Variants in SHANK2 observed in about 807,000 individuals in gnomAD.
SHANK2 encodes the protein SH3 and multiple ankyrin repeat domains protein 2.
A neutral mutation model predicts 133.7 loss-of-function variants in SHANK2; 43 were observed. The observed-to-expected ratio is 0.32, with a 90% CI of 0.25 to 0.41. SHANK2 has a LOEUF of 0.41. SHANK2 is among the 10% of genes least tolerant of loss of function. SHANK2 has a pLI of 1.00. For missense variants in SHANK2, 1,994 were observed against 2,235.8 expected (o/e 0.89, Z 2.18); for synonymous variants, 1,017 against 952.8 (o/e 1.07, Z -1.24).
At position 71,147,430 on chromosome 11, in the gene SHANK2, G is replaced by A. The variant is rs759517910; in HGVS notation, c.-12-92C>T. Reference sequence around the variant, plus strand: ...GGTGGACACTGGCGCTGGAACACACGTGGGCTCGGTTTCACAGTCTGTGTT... The same window carrying A: ...GGTGGACACTGGCGCTGGAACACACATGGGCTCGGTTTCACAGTCTGTGTT... On this transcript the variant is annotated intron_variant, in intron 2 of 25. Transcript: ENST00000601538. 6.2e-4 allele frequency: 629 copies of A among 1,015,458 alleles called. 2 individuals carry two copies. Among genetic ancestry groups the A allele is most frequent in the Non-Finnish European group, 7.8e-4 (576 of 737,772 alleles). The allele number at this position is 1,015,458 out of a possible 1,614,324, so 62.9% of individuals were successfully genotyped here.
intron 2 of SHANK2, among the ~76,000 whole-genome samples, chr11:71,168,787 GGAGAGA>G (rs1953245288): frequency 6.9e-6 from 1 of 145,798 alleles, no homozygotes; most frequent in South Asian, 2.3e-4. Flanking sequence ...GGGAGACCGT[GGAGAGA>G]GGGAGAGGGA....
intron 14 of SHANK2, among the ~76,000 whole-genome samples, chr11:70,733,848 G>A (rs1427075083): frequency 6.6e-6 from 1 of 152,200 alleles, no homozygotes; most frequent in Non-Finnish European, 1.5e-5. Context: ...CACAGGGAAC[G>A]GTGAGGACAG....
intron 9 of SHANK2, among the ~76,000 whole-genome samples, chr11:71,057,991 G>A (rs1468194883): frequency 7.1e-6 from 1 of 140,502 alleles, no homozygotes; most frequent in Non-Finnish European, 1.5e-5. Context: ...ACAGCTCACA[G>A]CAGCCTCGAC....
chr11:70,697,942 G>T (rs1555022656), intron 15 of SHANK2: 4 of 152,404 alleles, frequency 2.6e-5, no homozygotes, highest in African/African-American at 9.7e-5. Context: ...CATCCAGGAA[G>T]AACCCTCTAT....
chr11:70,580,481 C>T (rs1285602178), intron 17 of SHANK2, among the ~76,000 whole-genome samples: 5 of 152,224 alleles, frequency 3.3e-5, no homozygotes, highest in Non-Finnish European at 7.3e-5. Flanking sequence ...CGCCAATGAG[C>T]GGCGTGGGCC....
chr11:71,066,540 A>G (rs987599888), intron 9 of SHANK2, among the ~76,000 whole-genome samples: 13 of 152,256 alleles, frequency 8.5e-5, no homozygotes, highest in South Asian at 6.2e-4. Flanking sequence ...ACAGGCACAG[A>G]CAACGTTGCA....
chr11:71,246,311 C>T (rs541849523), intron 1 of SHANK2, among the ~76,000 whole-genome samples: 3 of 152,084 alleles, frequency 2.0e-5, no homozygotes, highest in East Asian at 1.9e-4. Flanking sequence ...CCACCCCCAC[C>T]GAGGACTCTA....
In SHANK2 at chr11:70,951,563, G is replaced by A. The variant is rs11600272; in HGVS notation, c.1108-54996C>T. Among the ~76,000 whole-genome samples the A allele has an allele frequency of 1.4e-3, 200 of 142,720 alleles. 1 individual carries two copies. Among genetic ancestry groups the A allele is most frequent in the African/African-American group, 4.8e-3 (182 of 37,654 alleles). The allele number at this position is 142,720 out of a possible 152,430, so 93.6% of individuals were successfully genotyped here. A position where few individuals can be genotyped will look rare whatever the true frequency, so the allele number is the denominator to read the frequency against. ...TTTCCCCTGGCTGCTGCGTGGTGAC[G>A]TCATAAATTCATTTCCTCTGGCTGC... On this transcript the variant is annotated intron_variant, in intron 10 of 25. Coordinates refer to ENST00000601538, the MANE Select transcript of SHANK2 (RefSeq NM_012309.5).
At chr11:70,557,887 G>A (rs888846001) in intron 17 of SHANK2, among the ~76,000 whole-genome samples, 5 of 152,220 alleles carry the variant, frequency 3.3e-5, no homozygotes, top group East Asian at 3.8e-4. Context: ...GCTCCCAGGC[G>A]TGCCGAGCCG....
chr11:71,158,153 A>G (rs1459796843), intron 2 of SHANK2, among the ~76,000 whole-genome samples: 2 of 152,226 alleles, frequency 1.3e-5, no homozygotes, highest in South Asian at 4.1e-4. Flanking sequence ...TTTATGGACT[A>G]AAAGCAGGGA....
intron 2 of SHANK2, among the ~76,000 whole-genome samples, chr11:71,167,170 A>T (rs1252155431): frequency 6.6e-6 from 1 of 152,266 alleles, no homozygotes; most frequent in East Asian, 1.9e-4. Flanking sequence ...CAAAATGAAA[A>T]GTCTCCCACG....
intron 17 of SHANK2, among the ~76,000 whole-genome samples, chr11:70,510,045 T>C (rs531532742): frequency 6.6e-6 from 1 of 152,194 alleles, no homozygotes; most frequent in African/African-American, 2.4e-5. Flanking sequence ...CAATTACATA[T>C]ATTGTACCAG....
intron 14 of SHANK2, among the ~76,000 whole-genome samples, chr11:70,699,777 G>A (rs1265975054): frequency 2.0e-5 from 3 of 152,218 alleles, no homozygotes; most frequent in African/African-American, 7.2e-5. Flanking sequence ...CCCTTTTCCA[G>A]CAGTGTGGTG....
rs1590902515 is a variant in SHANK2 at position 71,092,502 on chromosome 11, G to A, written c.832C>T (p.Pro278Ser). ...TGCAGGAGAAGCTCGCAGCAGTAGG[G>A]ATCACCTCCGACGATGGCTGTGTGA... ...LYHTAIVGGD[P>S]YCCELLLHEH... Residue 278 changes from proline to serine, a missense_variant, in exon 8 of 26, where the codon CCC becomes TCC. Pro to Ser is a moderately conservative substitution (Grantham distance 74). Transcript: ENST00000601538. The A allele has an allele frequency of 6.4e-7, 1 of 1,551,596 alleles. No homozygotes were observed. The highest frequency in any genetic ancestry group is 1.4e-5 in the African/African-American group (1 of 73,028).
chr11:70,671,754 A>T (rs1565230646), intron 15 of SHANK2, among the ~76,000 whole-genome samples: 2 of 152,150 alleles, frequency 1.3e-5, no homozygotes, highest in African/African-American at 2.4e-5. Context: ...GGCTGTGGGC[A>T]GATGGGATGA....
chr11:71,107,114 CA>C lies in SHANK2; in HGVS notation c.592+2826del, dbSNP rs1295750847. Among the ~76,000 whole-genome samples the C allele has an allele frequency of 1.3e-5, 2 of 149,736 alleles. 1 individual carries two copies. Among genetic ancestry groups the C allele is most frequent in the South Asian group, 4.2e-4 (2 of 4,730 alleles). On this transcript the variant is annotated intron_variant, in intron 6 of 25. Coordinates refer to ENST00000601538, the MANE Select transcript of SHANK2 (RefSeq NM_012309.5). ...TGGGTAACAGGGGGAGACCCTGTCT[CA>C]AAAAAAAAGAAAGGGGAGTGGAGGG...
chr11:70,720,765 G>A (rs558764007), intron 14 of SHANK2, among the ~76,000 whole-genome samples: 5 of 152,340 alleles, frequency 3.3e-5, no homozygotes, highest in African/African-American at 7.2e-5. Flanking sequence ...ACACATTCAT[G>A]TAGCACACCG....
chr11:71,136,545 G>A (rs1240275010), intron 3 of SHANK2, among the ~76,000 whole-genome samples: 3 of 152,278 alleles, frequency 2.0e-5, no homozygotes, highest in African/African-American at 4.8e-5. Flanking sequence ...TTCAGGTGAC[G>A]GTCACACGAA....
chr11:70,926,205 C>T (rs183573336), intron 10 of SHANK2, among the ~76,000 whole-genome samples: 9 of 151,512 alleles, frequency 5.9e-5, no homozygotes, highest in Non-Finnish European at 8.8e-5. Context: ...CTCAGGAGTT[C>T]GAGACCAGCC....
Sources: allele counts gnomAD v4.1 joint callset (sites outside exome capture counted in the v4.1 genomes callset), GRCh38; gene constraint gnomAD v4.1.1; transcripts MANE v1.5; gene names NCBI Gene and HGNC (gene_info 2026-07-23, HGNC 2026-07-21).